FRA10AC1: variants seen among roughly 807,000 people sequenced by gnomAD.
The protein encoded by FRA10AC1 is FRA10A associated CGG repeat 1.
A neutral mutation model predicts 56.5 loss-of-function variants in FRA10AC1; 43 were observed. That is an observed-to-expected ratio of 0.76 (90% CI 0.60 to 0.98). The LOEUF (loss-of-function observed/expected upper bound fraction) is 0.98. FRA10AC1 is among the 50% of genes least tolerant of loss of function. The pLI, the probability that FRA10AC1 is intolerant of heterozygous loss-of-function variation, is 0.00. For synonymous variants in FRA10AC1, 112 were observed against 110.5 expected (o/e 1.01, Z -0.09); for missense variants, 346 against 351.8 (o/e 0.98, Z 0.13).
chr10:93,687,279 T>C (rs933887970), intron 8 of FRA10AC1, 125 bp downstream of exon 8: 2 of 700,046 alleles, frequency 2.9e-6, no homozygotes, highest in Non-Finnish European at 4.5e-6. Context: ...GAATACACCT[T>C]CTCTAATTTT....
intron 12 of FRA10AC1, 180 bp from the exon 13 acceptor site, chr10:93,671,028 G>T (rs899620766): frequency 1.8e-5 from 9 of 497,612 alleles, no homozygotes; most frequent in Non-Finnish European, 2.5e-5. Context: ...ATAAGCCAAG[G>T]GTTACCAAAG....
chr10:93,697,087 T>C (rs1382069521), intron 4 of FRA10AC1, among the ~76,000 whole-genome samples: 1 of 151,418 alleles, frequency 6.6e-6, no homozygotes, highest in Non-Finnish European at 1.5e-5. Context: ...TAAAGAAAAA[T>C]AAAATAAAAT....
intron 1 of FRA10AC1, 34 bp downstream of exon 1, chr10:93,702,341 G>A (rs1300621771): frequency 6.5e-6 from 1 of 153,146 alleles, no homozygotes; most frequent in African/African-American, 2.4e-5. Flanking sequence ...CCTTCTCCCT[G>A]ATGCCAAATA....
At chr10:93,694,629 G>C (rs1049895594) in intron 5 of FRA10AC1, among the ~76,000 whole-genome samples, 1 of 146,774 alleles carries the variant, frequency 6.8e-6, no homozygotes, top group Non-Finnish European at 1.5e-5. Context: ...TAGGAGAATC[G>C]CTTGAACCAC....
At position 93,687,394 on chromosome 10, in the gene FRA10AC1, A is replaced by G. The variant is rs752219445; in HGVS notation, c.511+10T>C. ...TATCCTATTAAAAAGTAAAAATTTT[A>G]AAGAATTACCTTTTCCTGAAATTAC... On this transcript the variant is annotated intron_variant, in intron 8 of 13. Coordinates refer to ENST00000359204, the MANE Select transcript of FRA10AC1 (RefSeq NM_145246.5). 5.4e-6 allele frequency: 8 copies of G among 1,490,946 alleles called. No homozygotes were observed. The highest frequency in any genetic ancestry group is 7.3e-6 in the Non-Finnish European group (8 of 1,100,902). The allele number at this position is 1,490,946 out of a possible 1,614,324, so 92.4% of individuals were successfully genotyped here.
intron 5 of FRA10AC1, among the ~76,000 whole-genome samples, chr10:93,694,415 A>G (rs2059193163): frequency 6.6e-6 from 1 of 152,046 alleles, no homozygotes; most frequent in African/African-American, 2.4e-5. Flanking sequence ...TCTACCTTAT[A>G]ATATAAAAAA....
At chr10:93,673,671 G>C (rs974766605) in intron 12 of FRA10AC1, 1 of 370,506 alleles carries the variant, frequency 2.7e-6, no homozygotes, top group African/African-American at 2.1e-5. Context: ...AACAAACACA[G>C]GATTTATATG....
Position 93,692,632 on chromosome 10 carries a change from T to C in FRA10AC1, c.380+14A>G. On this transcript the variant is annotated intron_variant, in intron 6 of 13. Transcript: ENST00000359204. ...TAAAGCATTTGATGCATTACGCCTC[T>C]GATGGCTAATTACCAAGTCATGTCC... 1 of 1,547,114 alleles carries C rather than the reference T, an allele frequency of 6.5e-7. No individual in the cohort carries two copies. Among genetic ancestry groups the C allele is most frequent in the South Asian group, 1.2e-5 (1 of 86,322 alleles).
intron 10 of FRA10AC1, among the ~76,000 whole-genome samples, chr10:93,683,262 T>C (rs1271942804): frequency 2.0e-5 from 3 of 152,184 alleles, no homozygotes; most frequent in African/African-American, 7.2e-5. Flanking sequence ...AACTGAGGTC[T>C]GATTTCAAAC....
At chr10:93,697,997 A>G in intron 4 of FRA10AC1, 139 bp downstream of exon 4, 1 of 508,918 alleles carries the variant, frequency 2.0e-6, no homozygotes, top group Non-Finnish European at 3.4e-6. Context: ...AAAAGTATAA[A>G]TGGCAAAATC....
At chr10:93,694,713 TAAAA>T (rs10554752) in intron 5 of FRA10AC1, 144 bp downstream of exon 5, 1,126 of 239,824 alleles carry the variant, frequency 4.7e-3, no homozygotes, top group South Asian at 7.1e-3. Context: ...GACTCCATCT[TAAAA>T]AAAAAAAAAA....
At chr10:93,674,041 T>G (rs1382932305) in intron 12 of FRA10AC1, 2 of 157,148 alleles carry the variant, frequency 1.3e-5, no homozygotes, top group African/African-American at 4.8e-5. Context: ...TTACTTCAAT[T>G]CTTTGGTTCT....
chr10:93,676,058 G>A (rs767303190), intron 12 of FRA10AC1, among the ~76,000 whole-genome samples: 33 of 152,146 alleles, frequency 2.2e-4, no homozygotes, highest in Non-Finnish European at 4.4e-4. Context: ...TTGTTAGGAA[G>A]AACACTGACA....
At chr10:93,685,489 G>C (rs1374065884) in intron 8 of FRA10AC1, 130 bp from the exon 9 acceptor site, 6 of 540,562 alleles carry the variant, frequency 1.1e-5, no homozygotes, top group Non-Finnish European at 1.9e-5. Context: ...AAACTGACCA[G>C]AGTAATATGT....
chr10:93,682,024 T>C (rs899086689), intron 10 of FRA10AC1, among the ~76,000 whole-genome samples: 8 of 151,862 alleles, frequency 5.3e-5, no homozygotes, highest in Non-Finnish European at 1.0e-4. Flanking sequence ...CACCAGTAAA[T>C]AGAAATTTCT....
chr10:93,684,333 G>A (rs2058987885), intron 9 of FRA10AC1, among the ~76,000 whole-genome samples: 1 of 152,072 alleles, frequency 6.6e-6, no homozygotes, highest in Non-Finnish European at 1.5e-5. Flanking sequence ...AGAAAAATGT[G>A]TTGTCAATTT....
At chr10:93,690,764 C>G (rs911582068) in intron 7 of FRA10AC1, among the ~76,000 whole-genome samples, 14 of 152,146 alleles carry the variant, frequency 9.2e-5, no homozygotes, top group African/African-American at 3.4e-4. Flanking sequence ...TACTGTGGTG[C>G]TTTTTGAACC....
At chr10:93,676,115 T>C (rs1206123404) in intron 12 of FRA10AC1, among the ~76,000 whole-genome samples, 1 of 152,224 alleles carries the variant, frequency 6.6e-6, no homozygotes, top group African/African-American at 2.4e-5. Flanking sequence ...TTGGAATACA[T>C]TTGTGTGTAT....
At chr10:93,693,044 GAAAATAA>G (rs1395036744) in intron 5 of FRA10AC1, among the ~76,000 whole-genome samples, 7 of 152,028 alleles carry the variant, frequency 4.6e-5, no homozygotes, top group Admixed American at 4.6e-4. Flanking sequence ...TAAAGTGAAT[GAAAATAA>G]GTTTCATTCT....
Sources: allele counts gnomAD v4.1 joint callset (sites outside exome capture counted in the v4.1 genomes callset), GRCh38; gene constraint gnomAD v4.1.1; transcripts MANE v1.5; gene names NCBI Gene and HGNC (gene_info 2026-07-23, HGNC 2026-07-21).